The following NRDC variants were observed in gnomAD, a reference collection of about 807,000 sequenced individuals.
NRDC encodes nardilysin convertase.
In NRDC, 54 loss-of-function variants were observed where a neutral mutation model predicts 147.1. The observed-to-expected ratio is 0.37, with a 90% CI of 0.29 to 0.46. NRDC has a LOEUF of 0.46. Among genes scored for constraint, NRDC ranks in the 20% least tolerant of loss-of-function variants. The pLI is 1.00. For missense variants in NRDC, 1,082 were observed against 1,370.6 expected, an observed-to-expected ratio of 0.79 and a Z score of 3.33; for synonymous variants, 440 against 482.1, an observed-to-expected ratio of 0.91 and a Z score of 1.14.
rs749815022 is a variant in NRDC, at chr1:51,805,612, T to G, written c.2111-51A>C. ...AAAAGGTTAGGGGCCTCAGATATTT[T>G]ATACATCTGTTATTTTCCCCTAATA... On this transcript the variant is annotated intron_variant, in intron 18 of 30. Coordinates refer to ENST00000352171, the MANE Select transcript of NRDC (RefSeq NM_001101662.2). The G allele has an allele frequency of 9.9e-6, 11 of 1,116,016 alleles. No homozygotes were observed. The African/African-American group carries it at 1.5e-4, about 15-fold the overall frequency. 69.1% of individuals were successfully genotyped at this position (1,116,016 alleles called of 1,614,324 possible). A position where few individuals can be genotyped will look rare whatever the true frequency, so the allele number is the denominator to read the frequency against.
rs1474770005 is a variant in NRDC, at chr1:51,878,551, C to T, written c.65G>A (p.Arg22Gln). 3 of 1,613,528 alleles carry T rather than the reference C, an allele frequency of 1.9e-6. No homozygotes were observed. The highest frequency in any genetic ancestry group is 1.1e-5 in the South Asian group (1 of 91,010). ...GATTCCCCAGAGCGCCGCGAGCTCCCGCCCGGCCTCACACAACTTCCTCCG... is the reference window on the plus strand; with the variant it reads ...GATTCCCCAGAGCGCCGCGAGCTCCTGCCCGGCCTCACACAACTTCCTCCG... ...ATRRKLCEAG[R>Q]ELAALWGIET... Residue 22 changes from arginine to glutamine, a missense_variant, in exon 1 of 31, where the codon CGG (arginine) becomes CAG (glutamine). This residue lies in a region of NRDC where 260 missense variants were observed against 253.2 expected (regional missense o/e 1.03). Coordinates refer to ENST00000352171, the MANE Select transcript of NRDC (RefSeq NM_001101662.2).
chr1:51,840,636 C>A (rs962408082), intron 1 of NRDC, 122 bp from the exon 2 acceptor site: 51 of 662,886 alleles, frequency 7.7e-5, no homozygotes, highest in Non-Finnish European at 1.2e-4. Flanking sequence ...CACACACACA[C>A]AACTATTTGT....
chr1:51,789,482 G>A (rs1324632464), intron 30 of NRDC, 49 bp from the exon 31 acceptor site: 1 of 1,603,386 alleles, frequency 6.2e-7, no homozygotes, highest in Admixed American at 1.7e-5. Context: ...CCAGATTTAG[G>A]GGTTTAAGAG....
chr1:51,800,297 C>T (rs35903274), intron 21 of NRDC, among the ~76,000 whole-genome samples: 14,401 of 152,156 alleles, frequency 0.095, 979 homozygotes, highest in African/African-American at 0.19. Flanking sequence ...CTTTAACATT[C>T]AGGTATAATG....
intron 1 of NRDC, among the ~76,000 whole-genome samples, chr1:51,852,411 T>C (rs1225320217): frequency 6.7e-6 from 1 of 148,464 alleles, no homozygotes; most frequent in East Asian, 2.0e-4. Context: ...AAAACTAATA[T>C]TTAGGCCATA....
At chr1:51,840,563 C>T (rs767418712) in intron 1 of NRDC, 49 bp from the exon 2 acceptor site, 47 of 1,270,896 alleles carry the variant, frequency 3.7e-5, no homozygotes, top group East Asian at 2.3e-4. Context: ...CTGTTCTTTA[C>T]ACCAATACAA....
At chr1:51,826,961 T>C (rs1281821025) in intron 5 of NRDC, among the ~76,000 whole-genome samples, 2 of 152,170 alleles carry the variant, frequency 1.3e-5, no homozygotes, top group Non-Finnish European at 2.9e-5. Flanking sequence ...TGAAAAGTGC[T>C]TTTAGTTATC....
intron 21 of NRDC, among the ~76,000 whole-genome samples, chr1:51,799,772 T>G (rs1455094614): frequency 6.6e-6 from 1 of 152,212 alleles, no homozygotes; most frequent in African/African-American, 2.4e-5. Flanking sequence ...AGGCTCTGAA[T>G]GAAGGCCCAA....
intron 1 of NRDC, among the ~76,000 whole-genome samples, chr1:51,871,794 A>G (rs2124134156): frequency 6.6e-6 from 1 of 152,292 alleles, no homozygotes; most frequent in Non-Finnish European, 1.5e-5. Flanking sequence ...TGACTCTCCT[A>G]CAGCAGATCA....
intron 1 of NRDC, among the ~76,000 whole-genome samples, chr1:51,864,208 A>C (rs1490962285): frequency 3.3e-5 from 5 of 152,244 alleles, no homozygotes; most frequent in Admixed American, 6.5e-5. Flanking sequence ...CTGTACTCAT[A>C]GACTGCTATT....
rs201485637 is a variant in NRDC, at chr1:51,802,354, T to TATAC, written c.2313+1456_2313+1459dup. On this transcript the variant is annotated intron_variant, in intron 20 of 30. Coordinates refer to ENST00000352171, the MANE Select transcript of NRDC (RefSeq NM_001101662.2). ...CAGATAAAATTGATCTCTAGTTTTC[T>TATAC]ATACATACATACATACATATATATA... Among the ~76,000 whole-genome samples, 1,496 of 152,268 alleles carry TATAC rather than the reference T, an allele frequency of 9.8e-3. 32 individuals are homozygous for TATAC. Among genetic ancestry groups the TATAC allele is most frequent in the South Asian group, 0.093 (450 of 4,816 alleles).
At chr1:51,836,839 A>G (rs983364591) in intron 2 of NRDC, among the ~76,000 whole-genome samples, 3 of 152,170 alleles carry the variant, frequency 2.0e-5, no homozygotes, top group Non-Finnish European at 4.4e-5. Flanking sequence ...TATACAGCAT[A>G]TATTACTTAT....
Position 51,798,268 on chromosome 1 carries a change from T to C in NRDC, c.2585A>G (p.Gln862Arg). Residue 862 changes from glutamine to arginine, a missense_variant, in exon 22 of 31, where the codon CAA becomes CGA. This residue lies in a region of NRDC where 635 missense variants were observed against 923.8 expected (regional missense o/e 0.69). Coordinates refer to ENST00000352171, the MANE Select transcript of NRDC (RefSeq NM_001101662.2). ...KSQLFVEGLVQGNVTSTESMD... is the reference protein window; with the variant it reads ...KSQLFVEGLVRGNVTSTESMD... ...ACTCACTGTGCTTGTGACATTCCCTTGTACCAGGCCCTCCACAAAGAGCTG... is the reference window on the plus strand; with the variant it reads ...ACTCACTGTGCTTGTGACATTCCCTCGTACCAGGCCCTCCACAAAGAGCTG... 1 of 1,614,172 alleles carries C rather than the reference T, an allele frequency of 6.2e-7. No individual in the cohort carries two copies. Among genetic ancestry groups the C allele is most frequent in the Non-Finnish European group, 8.5e-7 (1 of 1,180,032 alleles).
chr1:51,814,737 T>C lies in NRDC; in HGVS notation c.1516A>G (p.Ile506Val), dbSNP rs1679881458. The C allele has an allele frequency of 1.2e-6, 2 of 1,611,898 alleles. No individual in the cohort carries two copies. Among genetic ancestry groups the C allele is most frequent in the Admixed American group, 3.4e-5 (2 of 59,484 alleles). ...EQNSTYSVFS[I>V]SITLTDEGYE... ...CCCTCATCAGTCAATGTAATAGAAA[T>C]GCTGAACACTGAATAAGTAGAATTT... Residue 506 changes from isoleucine to valine, a missense_variant, in exon 12 of 31, where the codon ATT (isoleucine) becomes GTT (valine). Ile to Val is a conservative substitution (Grantham distance 29). This residue lies in a region of NRDC where 635 missense variants were observed against 923.8 expected (regional missense o/e 0.69). Coordinates refer to ENST00000352171, the MANE Select transcript of NRDC (RefSeq NM_001101662.2).
chr1:51,850,715 C>T (rs545674222), intron 1 of NRDC, among the ~76,000 whole-genome samples: 2 of 152,290 alleles, frequency 1.3e-5, no homozygotes, highest in East Asian at 3.9e-4. Flanking sequence ...AAAGGATCTG[C>T]GGGCACACAG....
At chr1:51,841,092 G>A (rs1247070303) in intron 1 of NRDC, among the ~76,000 whole-genome samples, 4 of 152,104 alleles carry the variant, frequency 2.6e-5, no homozygotes, top group Admixed American at 6.5e-5. Context: ...TGGTAGCCCC[G>A]CAGGAAGATT....
At chr1:51,850,991 A>C (rs1681919782) in intron 1 of NRDC, among the ~76,000 whole-genome samples, 1 of 152,040 alleles carries the variant, frequency 6.6e-6, no homozygotes, top group Non-Finnish European at 1.5e-5. Context: ...AATGGGACAA[A>C]AGTCTGGAGT....
At chr1:51,877,086 G>A (rs958850583) in intron 1 of NRDC, among the ~76,000 whole-genome samples, 46 of 152,044 alleles carry the variant, frequency 3.0e-4, no homozygotes, top group African/African-American at 4.8e-5. Flanking sequence ...TACTGGGGAG[G>A]CTGAGGCAGG....
intron 1 of NRDC, chr1:51,859,699 G>A (rs1476703589): frequency 6.6e-6 from 1 of 152,270 alleles, no homozygotes; most frequent in African/African-American, 2.4e-5. Flanking sequence ...CATCAGAGGG[G>A]AGGGTACCTG....
Sources: gnomAD v4.1 joint callset for allele counts (sites outside exome capture counted in the v4.1 genomes callset) on GRCh38, gnomAD v4.1.1 for gene constraint, gnomAD v4.1.1 regional missense constraint, MANE v1.5 for transcripts, NCBI Gene and HGNC (gene_info 2026-07-23, HGNC 2026-07-21) for gene names.